RSPH14: variants seen among roughly 807,000 people sequenced by gnomAD.
RSPH14 encodes the protein radial spoke head 14 homolog.
In RSPH14, 20 loss-of-function variants were observed where a neutral mutation model predicts 26.7. The observed-to-expected ratio is 0.75, with a 90% CI of 0.53 to 1.09. The LOEUF is 1.09. Among genes scored for constraint, RSPH14 ranks in the 50% least tolerant of loss-of-function variants. RSPH14 has a pLI of 0.00. For missense variants in RSPH14, 449 were observed against 457.2 expected, an observed-to-expected ratio of 0.98 and a Z score of 0.16; for synonymous variants, 177 against 189.3, an observed-to-expected ratio of 0.93 and a Z score of 0.53.
chr22:23,176,859 G>A, the RSPH14 span, among the ~76,000 whole-genome samples: 41,621 of 152,024 alleles, frequency 0.27, 5,823 homozygotes, highest in East Asian at 0.35. Context: ...CAGCAGCCAC[G>A]GTGGCCATTG....
the RSPH14 span, among the ~76,000 whole-genome samples, chr22:23,154,149 A>C: frequency 6.7e-6 from 1 of 148,790 alleles, no homozygotes. Context: ...CTGCCCCGGC[A>C]CCTGGAGAAT....
chr22:23,180,160 T>C, the RSPH14 span: 1 of 239,396 alleles, frequency 4.2e-6, no homozygotes, highest in Non-Finnish European at 8.3e-6. Context: ...GACACGCGGC[T>C]GGACTGGCCG....
At chr22:23,083,186 A>T (rs1449781733) in intron 4 of RSPH14, among the ~76,000 whole-genome samples, 1 of 152,144 alleles carries the variant, frequency 6.6e-6, no homozygotes, top group African/African-American at 2.4e-5. Context: ...TGTGATGCAC[A>T]TTTGAGAAAT....
intron 4 of RSPH14, among the ~76,000 whole-genome samples, chr22:23,086,860 C>G (rs1159791527): frequency 6.6e-6 from 1 of 152,218 alleles, no homozygotes; most frequent in African/African-American, 2.4e-5. Context: ...ACACCTGGCT[C>G]CTCAGCAACA....
At chr22:23,118,965 A>C (rs887786271) in intron 4 of RSPH14, among the ~76,000 whole-genome samples, 1 of 152,232 alleles carries the variant, frequency 6.6e-6, no homozygotes, top group Non-Finnish European at 1.5e-5. Flanking sequence ...AGGCACAGCC[A>C]GTCATGTTTT....
At chr22:23,107,941 C>T (rs1367235385) in intron 4 of RSPH14, among the ~76,000 whole-genome samples, 4 of 152,128 alleles carry the variant, frequency 2.6e-5, no homozygotes, top group East Asian at 3.9e-4. Context: ...AGGCCTGCTG[C>T]GGGGGAGGAA....
intron 4 of RSPH14, among the ~76,000 whole-genome samples, chr22:23,104,027 T>A (rs1017088087): frequency 6.6e-6 from 1 of 151,752 alleles, no homozygotes; most frequent in South Asian, 2.1e-4. Context: ...GGCCTAGACG[T>A]TGGGAGCAGG....
In RSPH14 at chr22:23,059,687, G is replaced by T. The variant is rs55964741; in HGVS notation, c.822C>A (p.Ile274=). Residue 274 remains isoleucine, a synonymous_variant, in exon 7 of 7, where the codon ATC becomes ATA. Transcript: ENST00000216036. ...AGTGCAGCAGCTCCAGGAGCAGGCC[G>T]ATGGCTTGTGCCTCCAGGGCCGCAT... is the stretch of plus-strand genomic sequence containing the variant. ...GKYAALEAQA[I]GLLLELLHSP... 32,554 of 1,559,246 alleles carry T rather than the reference G, an allele frequency of 0.021. 422 individuals carry two copies. Among genetic ancestry groups the T allele is most frequent in the Non-Finnish European group, 0.025 (28,785 of 1,152,408 alleles).
rs769592191 is a variant in RSPH14 at position 23,134,071 on chromosome 22, C to T, written c.376G>A (p.Gly126Arg). ...LLNDPSPVCR[G>R]NLYKAYMQLV... is the part of the protein sequence containing the mutation. ...TGCATGTATGCCTTGTACAGGTTCCCCCGGCAGACTGGGCTGGGGTCATTC... is the reference window on the plus strand; with the variant it reads ...TGCATGTATGCCTTGTACAGGTTCCTCCGGCAGACTGGGCTGGGGTCATTC... The change falls in exon 4 of 7, where the codon GGG becomes AGG. Residue 126 changes from glycine (G) to arginine (R), a missense_variant. Gly to Arg is a moderately radical substitution (Grantham distance 125, BLOSUM62 -2). Transcript: ENST00000216036. The T allele has an allele frequency of 3.1e-6, 5 of 1,613,802 alleles. No homozygotes were observed. Among genetic ancestry groups the T allele is most frequent in the African/African-American group, 2.7e-5 (2 of 75,008 alleles).
the RSPH14 span, among the ~76,000 whole-genome samples, chr22:23,151,982 C>T: frequency 7.9e-5 from 12 of 152,340 alleles, no homozygotes; most frequent in East Asian, 5.8e-4. Context: ...TGCAAGAGGC[C>T]GGAGCCCACA....
chr22:23,130,830 C>T (rs1275717877), intron 4 of RSPH14, among the ~76,000 whole-genome samples: 2 of 152,370 alleles, frequency 1.3e-5, no homozygotes, highest in East Asian at 3.9e-4. Flanking sequence ...AGCCATATCA[C>T]AGTGAAACAC....
At chr22:23,156,311 A>T in the RSPH14 span, 1 of 352,940 alleles carries the variant, frequency 2.8e-6, no homozygotes, top group South Asian at 2.6e-5. Context: ...CAGAGATGAA[A>T]GTGCTTTTCC....
intron 4 of RSPH14, among the ~76,000 whole-genome samples, chr22:23,106,659 A>G (rs944778498): frequency 6.6e-6 from 1 of 152,354 alleles, no homozygotes; most frequent in East Asian, 1.9e-4. Context: ...GCTGGCTGAC[A>G]ACAGAATAGT....
chr22:23,092,060 G>C (rs148202407), intron 4 of RSPH14, among the ~76,000 whole-genome samples: 1 of 152,284 alleles, frequency 6.6e-6, no homozygotes, highest in Non-Finnish European at 1.5e-5. Context: ...CTGTGGTGGG[G>C]GGTCCTGGGT....
chr22:23,134,489 G>C (rs1181930583), intron 3 of RSPH14, among the ~76,000 whole-genome samples: 3 of 130,648 alleles, frequency 2.3e-5, no homozygotes, highest in Middle Eastern at 5.2e-3. Flanking sequence ...TTTCAAATTT[G>C]TTTATGAGAA....
chr22:23,146,357 C>T (rs2070769299), upstream of RSPH14, among the ~76,000 whole-genome samples: 1 of 151,498 alleles, frequency 6.6e-6, no homozygotes, highest in Admixed American at 6.6e-5. Flanking sequence ...CAGGCACAGG[C>T]CACCATGCCC....
Position 23,061,920 on chromosome 22 carries a change from C to G in RSPH14, c.679G>C (p.Val227Leu). The G allele has an allele frequency of 6.2e-7, 1 of 1,614,172 alleles. No homozygotes were observed. The highest frequency in any genetic ancestry group is 1.7e-5 in the Admixed American group (1 of 60,022). Residue 227 changes from valine (V) to leucine (L), a missense_variant, in exon 6 of 7, where the codon GTG (valine) becomes CTG (leucine). Val to Leu is a conservative substitution (Grantham distance 32, BLOSUM62 1). Coordinates refer to ENST00000216036, the MANE Select transcript of RSPH14 (RefSeq NM_014433.3). ...VSISREGKKQ[V>L]CHFDVIPILV... ...ATGGGGATGACGTCAAAATGACACA[C>G]CTGTTTCTTGCCCTCTCGAGATATG...
intron 4 of RSPH14, among the ~76,000 whole-genome samples, chr22:23,130,104 A>G (rs539838889): frequency 2.5e-3 from 213 of 86,902 alleles, no homozygotes; most frequent in African/African-American, 8.1e-3. Flanking sequence ...AGAAAGAAAG[A>G]AAGAAAGAAA....
intron 4 of RSPH14, chr22:23,124,453 T>C (rs1426776275): frequency 4.3e-6 from 2 of 466,140 alleles, no homozygotes; most frequent in Admixed American, 4.8e-5. Flanking sequence ...GGACACGTGT[T>C]GTACATAAGC....
Sources: gnomAD v4.1 joint callset for allele counts (sites outside exome capture counted in the v4.1 genomes callset) on GRCh38, gnomAD v4.1.1 for gene constraint, MANE v1.5 for transcripts, NCBI Gene and HGNC (gene_info 2026-07-23, HGNC 2026-07-21) for gene names.